RCAN2: variants seen among roughly 807,000 people sequenced by gnomAD.
RCAN2 encodes regulator of calcineurin 2, also known as calcipressin-2.
In RCAN2, 9 loss-of-function variants were observed where a neutral mutation model predicts 23.6. That is an observed-to-expected ratio of 0.38 (90% confidence interval 0.23 to 0.67). RCAN2 has a LOEUF of 0.67. Among genes scored for constraint, RCAN2 ranks in the 30% least tolerant of loss-of-function variants. RCAN2 has a pLI of 0.51. For synonymous variants in RCAN2, 109 were observed against 115.7 expected (o/e 0.94, Z 0.37); for missense variants, 273 against 302.3 (o/e 0.90, Z 0.72).
chr6:46,271,086 T>C (rs975901709), intron 2 of RCAN2, among the ~76,000 whole-genome samples: 18 of 152,238 alleles, frequency 1.2e-4, no homozygotes, highest in African/African-American at 4.3e-4. Flanking sequence ...TTGCTACCTA[T>C]TTGACAGAGT....
rs571307987 is a variant in RCAN2 at position 46,321,394 on chromosome 6, C to T, written c.226-72498G>A. Reference sequence around the variant, plus strand: ...AGCATTGCCTGGTAGGTAATAAATGCTCCACACATGTTTTTGAATGAATGA... The same window carrying T: ...AGCATTGCCTGGTAGGTAATAAATGTTCCACACATGTTTTTGAATGAATGA... On this transcript the variant is annotated intron_variant, in intron 2 of 4. Transcript: ENST00000371374. Among the ~76,000 whole-genome samples, 10 of 152,324 alleles carry T rather than the reference C, an allele frequency of 6.6e-5. 1 individual carries two copies. The East Asian group carries it at 1.5e-3, about 24-fold the overall frequency.
At chr6:46,423,569 G>C (rs1038406590) in intron 2 of RCAN2, among the ~76,000 whole-genome samples, 1 of 152,036 alleles carries the variant, frequency 6.6e-6, no homozygotes, top group South Asian at 2.1e-4. Context: ...CAATACTCAG[G>C]GTTTCACCTT....
chr6:46,419,074 G>T lies in RCAN2; in HGVS notation c.225+37678C>A, dbSNP rs189602641. ...TTTGGCTACAATCTGTGCTCTTCAG[G>T]CCGTGTGCATATATTGTAGGCATAT... On this transcript the variant is annotated intron_variant, in intron 2 of 4. Transcript: ENST00000371374. Among the ~76,000 whole-genome samples the T allele has an allele frequency of 8.9e-4, 136 of 152,156 alleles. 2 individuals are homozygous for T. In the East Asian group the frequency reaches 0.026, roughly 29 times the overall value.
intron 2 of RCAN2, among the ~76,000 whole-genome samples, chr6:46,421,198 A>AT (rs1446825651): frequency 6.6e-6 from 1 of 152,242 alleles, no homozygotes; most frequent in Non-Finnish European, 1.5e-5. Flanking sequence ...AAAAAGAGCA[A>AT]TGGGCAATGA....
chr6:46,270,350 C>G (rs1409221938), intron 2 of RCAN2, among the ~76,000 whole-genome samples: 1 of 152,178 alleles, frequency 6.6e-6, no homozygotes, highest in African/African-American at 2.4e-5. Flanking sequence ...TCTTTTAGGC[C>G]ATTCGATGCT....
In RCAN2 at chr6:46,369,072, A is replaced by AT. The variant is rs907861827; in HGVS notation, c.225+87679dup. ...AGCTTTTTATGTTTTTTAAATTGTTATTTTTTTTACTATTGAAATTTTTAG... is the reference window on the plus strand; with the variant it reads ...AGCTTTTTATGTTTTTTAAATTGTTATTTTTTTTTACTATTGAAATTTTTAG... On this transcript the variant is annotated intron_variant, in intron 2 of 4. Transcript: ENST00000371374. Among the ~76,000 whole-genome samples the AT allele has an allele frequency of 1.2e-4, 18 of 151,796 alleles. No homozygotes were observed. In the South Asian group the frequency reaches 1.3e-3, roughly 11 times the overall value.
chr6:46,337,691 G>C (rs1371935086), intron 2 of RCAN2, among the ~76,000 whole-genome samples: 1 of 152,150 alleles, frequency 6.6e-6, no homozygotes, highest in Non-Finnish European at 1.5e-5. Context: ...GCTTGATTTT[G>C]GTTCAGGGCT....
At chr6:46,456,274 C>T (rs1768026982) in intron 2 of RCAN2, among the ~76,000 whole-genome samples, 1 of 152,190 alleles carries the variant, frequency 6.6e-6, no homozygotes, top group African/African-American at 2.4e-5. Context: ...AACCAACTTA[C>T]CTTCTCTAAT....
intron 4 of RCAN2, among the ~76,000 whole-genome samples, chr6:46,243,628 G>T (rs911630829): frequency 2.6e-5 from 4 of 151,876 alleles, no homozygotes; most frequent in African/African-American, 9.7e-5. Context: ...GGTCAACATG[G>T]TGAAACCCCG....
At position 46,222,889 on chromosome 6, in the gene RCAN2, C is replaced by T. The variant is rs553731575; in HGVS notation, c.*252G>A. ...TGAGAGAACAAAGATATAGGCTGTGCTGATTGTTTAATAAGAAAATACTAC... is the reference window on the plus strand; with the variant it reads ...TGAGAGAACAAAGATATAGGCTGTGTTGATTGTTTAATAAGAAAATACTAC... On this transcript the variant is annotated 3_prime_UTR_variant, in exon 5 of 5. Transcript: ENST00000371374. 2 of 451,006 alleles carry T rather than the reference C, an allele frequency of 4.4e-6. No individual in the cohort carries two copies. Among genetic ancestry groups the T allele is most frequent in the Middle Eastern group, 6.1e-4 (1 of 1,644 alleles). 27.9% of individuals were successfully genotyped at this position (451,006 alleles called of 1,614,324 possible).
intron 2 of RCAN2, among the ~76,000 whole-genome samples, chr6:46,324,029 C>G (rs146202512): frequency 1.1e-3 from 164 of 152,322 alleles, no homozygotes; most frequent in African/African-American, 3.8e-3. Flanking sequence ...CCAGTGGTTA[C>G]TGGAAGATGT....
intron 2 of RCAN2, among the ~76,000 whole-genome samples, chr6:46,385,345 A>G (rs1765712972): frequency 6.6e-6 from 1 of 152,212 alleles, no homozygotes; most frequent in Admixed American, 6.5e-5. Flanking sequence ...CCCTGCTCCA[A>G]ATTTGCATCT....
rs3997300 is a variant in RCAN2 at position 46,339,014 on chromosome 6, C to CAAAAAAAA, written c.226-90126_226-90119dup. On this transcript the variant is annotated intron_variant, in intron 2 of 4. Coordinates refer to ENST00000371374, the MANE Select transcript of RCAN2 (RefSeq NM_001251974.2). ...TGGGTGACAAAGCGAGACCCTGTCTCAAAAAAAAAAAAAAAAAAAAAAAAA... is the reference window on the plus strand; with the variant it reads ...TGGGTGACAAAGCGAGACCCTGTCTCAAAAAAAAAAAAAAAAAAAAAAAAAAAAAAAAA... 5.2e-3 allele frequency among the ~76,000 whole-genome samples: 244 copies of CAAAAAAAA among 47,088 alleles called. 4 individuals are homozygous for CAAAAAAAA. Among genetic ancestry groups the CAAAAAAAA allele is most frequent in the Middle Eastern group, 0.026 (1 of 38 alleles). The allele number at this position is 47,088 out of a possible 152,430, so 30.9% of individuals were successfully genotyped here.
intron 2 of RCAN2, among the ~76,000 whole-genome samples, chr6:46,257,590 C>T (rs528320574): frequency 1.5e-4 from 23 of 152,196 alleles, no homozygotes; most frequent in South Asian, 2.1e-4. Context: ...CATCAGATCT[C>T]GTGAGAACTC....
At chr6:46,265,465 T>C (rs1461589191) in intron 2 of RCAN2, among the ~76,000 whole-genome samples, 1 of 152,206 alleles carries the variant, frequency 6.6e-6, no homozygotes, top group African/African-American at 2.4e-5. Context: ...GCCAGTAATT[T>C]ATAGATAGTG....
chr6:46,304,773 A>G (rs775838886), intron 2 of RCAN2, among the ~76,000 whole-genome samples: 50 of 152,088 alleles, frequency 3.3e-4, no homozygotes, highest in Non-Finnish European at 1.9e-4. Flanking sequence ...TTCTTGAGAC[A>G]AAATAACAGT....
chr6:46,314,994 G>A (rs919057238), intron 2 of RCAN2, among the ~76,000 whole-genome samples: 13 of 152,198 alleles, frequency 8.5e-5, no homozygotes, highest in African/African-American at 3.1e-4. Context: ...CCAGGAAGTG[G>A]AGGCTGCAGT....
intron 2 of RCAN2, among the ~76,000 whole-genome samples, chr6:46,423,527 G>T (rs1024672079): frequency 6.6e-6 from 1 of 152,200 alleles, no homozygotes; most frequent in Non-Finnish European, 1.5e-5. Flanking sequence ...GGACTTATTA[G>T]CTCGAGAATA....
At chr6:46,309,661 G>A (rs753736664) in intron 2 of RCAN2, among the ~76,000 whole-genome samples, 1 of 152,114 alleles carries the variant, frequency 6.6e-6, no homozygotes, top group Non-Finnish European at 1.5e-5. Flanking sequence ...GTGTATACCT[G>A]GAGTGGCTCA....
Sources: allele counts gnomAD v4.1 joint callset (sites outside exome capture counted in the v4.1 genomes callset), GRCh38; gene constraint gnomAD v4.1.1; transcripts MANE v1.5; gene names NCBI Gene and HGNC (gene_info 2026-07-23, HGNC 2026-07-21).